FRMPD4: variants seen among roughly 807,000 people sequenced by gnomAD.
The protein encoded by FRMPD4 is FERM and PDZ domain containing 4, also known as FERM and PDZ domain-containing protein 4.
A neutral mutation model predicts 94.1 loss-of-function variants in FRMPD4; 22 were observed. That is an observed-to-expected ratio of 0.23 (90% CI 0.17 to 0.33). FRMPD4 has a LOEUF of 0.33. FRMPD4 is among the 10% of genes least tolerant of loss of function. FRMPD4 has a pLI of 1.00. For missense variants in FRMPD4, 1,111 were observed against 1,339.9 expected, an observed-to-expected ratio of 0.83 and a Z score of 2.67; for synonymous variants, 631 against 548.6, an observed-to-expected ratio of 1.15 and a Z score of -2.10.
chrX:11,872,003 T>C (rs1467842060), intron 2 of FRMPD4, among the ~76,000 whole-genome samples: 1 of 111,937 alleles, frequency 8.9e-6, no homozygotes, highest in East Asian at 2.8e-4. Flanking sequence ...TCAGTAAACA[T>C]TGAATGAATG....
At position 12,158,237 on chromosome X, in the gene FRMPD4, A is replaced by G. The variant is rs534891330; in HGVS notation, c.41+19225A>G. Among the ~76,000 whole-genome samples, 43 of 111,561 alleles carry G rather than the reference A, an allele frequency of 3.9e-4. No individual in the cohort carries two copies. The Middle Eastern group carries it at 0.027, about 71-fold the overall frequency. On this transcript the variant is annotated intron_variant, in intron 1 of 16. Transcript: ENST00000675598. ...TATCAGACTGGGCTGCAAGATGAGG[A>G]TGTAGGTAGAGGTTCCCAGTAGTTG...
In FRMPD4 at chrX:12,686,104, T is replaced by C. The variant is rs761860167; in HGVS notation, c.581T>C (p.Val194Ala). The change falls in exon 7 of 17, where the codon GTT becomes GCT. Residue 194 changes from valine (V) to alanine (A), a missense_variant. By Grantham distance (64) the Val-to-Ala change is moderately conservative. Transcript: ENST00000675598. ...CTTTTTTTTGTTAAACAGGAAACTG[T>C]TAAGGACAACTCACTTCTTTTTATG... Reference protein sequence around the residue: ...VIINGQVSETVKDNSLLFMPN... With the variant: ...VIINGQVSETAKDNSLLFMPN... 5 of 1,127,381 alleles carry C rather than the reference T, an allele frequency of 4.4e-6. No homozygotes were observed. The South Asian group carries it at 9.2e-5, about 21-fold the overall frequency. The allele number at this position is 1,127,381 out of a possible 1,213,427, so 92.9% of individuals were successfully genotyped here.
intron 1 of FRMPD4, among the ~76,000 whole-genome samples, chrX:12,140,514 G>A (rs1002300373): frequency 7.1e-5 from 8 of 112,241 alleles, no homozygotes; most frequent in Non-Finnish European, 1.3e-4. Context: ...TTGGGAAGCA[G>A]CTGTGTGCAA....
At chrX:12,157,680 T>C (rs949779457) in intron 1 of FRMPD4, among the ~76,000 whole-genome samples, 2 of 112,157 alleles carry the variant, frequency 1.8e-5, no homozygotes, top group Non-Finnish European at 3.8e-5. Context: ...GTGGGTTTAC[T>C]TGTACATGCT....
intron 3 of FRMPD4, among the ~76,000 whole-genome samples, chrX:12,121,402 AC>A (rs1208128471): frequency 1.1e-4 from 12 of 112,170 alleles, no homozygotes; most frequent in Non-Finnish European, 2.3e-4. Context: ...AAATATTTAA[AC>A]ATTTTTCAGT....
chrX:12,695,654 T>C (rs1363349237), intron 9 of FRMPD4, among the ~76,000 whole-genome samples: 1 of 111,991 alleles, frequency 8.9e-6, no homozygotes, highest in African/African-American at 3.2e-5. Context: ...CCACGCACCT[T>C]GGCCTCCCAA....
chrX:12,493,864 T>A (rs191664233), intron 1 of FRMPD4, among the ~76,000 whole-genome samples: 116 of 112,571 alleles, frequency 1.0e-3, no homozygotes, highest in Non-Finnish European at 1.9e-3. Flanking sequence ...ATGAGACTAT[T>A]CTAAATGAGT....
chrX:12,359,371 C>G (rs1258384425), intron 1 of FRMPD4, among the ~76,000 whole-genome samples: 1 of 111,855 alleles, frequency 8.9e-6, no homozygotes, highest in Non-Finnish European at 1.9e-5. Flanking sequence ...GAAATCTTGT[C>G]AAGTTCACAT....
intron 3 of FRMPD4, among the ~76,000 whole-genome samples, chrX:12,107,219 G>A (rs2055307447): frequency 8.9e-6 from 1 of 112,028 alleles, no homozygotes; most frequent in African/African-American, 3.3e-5. Flanking sequence ...GGAACGATCA[G>A]GCAGCAACAT....
intron 1 of FRMPD4, among the ~76,000 whole-genome samples, chrX:12,349,939 A>C (rs1254410385): frequency 1.8e-5 from 2 of 111,472 alleles, no homozygotes; most frequent in South Asian, 7.6e-4. Flanking sequence ...CCCAAAGATA[A>C]CCAGTGGGGA....
intron 4 of FRMPD4, among the ~76,000 whole-genome samples, chrX:12,630,819 A>G (rs2059388850): frequency 8.9e-6 from 1 of 111,747 alleles, no homozygotes; most frequent in African/African-American, 3.3e-5. Flanking sequence ...GATAATGGCC[A>G]ATATTAGGGT....
intron 3 of FRMPD4, among the ~76,000 whole-genome samples, chrX:11,994,232 C>CA (rs752464505): frequency 4.5e-5 from 5 of 110,939 alleles, no homozygotes; most frequent in African/African-American, 1.6e-4. Context: ...TCTCCAGCCC[C>CA]AAAGGTCCAT....
At chrX:12,441,696 G>C (rs2057138512) in intron 1 of FRMPD4, among the ~76,000 whole-genome samples, 3 of 112,053 alleles carry the variant, frequency 2.7e-5, no homozygotes, top group Admixed American at 1.9e-4. Context: ...TGAGTGTTTG[G>C]GAATAAATGA....
chrX:12,206,641 C>T (rs1259196556), intron 1 of FRMPD4, among the ~76,000 whole-genome samples: 2 of 112,066 alleles, frequency 1.8e-5, no homozygotes, highest in Non-Finnish European at 3.8e-5. Context: ...GCAGTGCTAA[C>T]AGAGGCAGTT....
At position 12,460,718 on chromosome X, in the gene FRMPD4, T is replaced by A. The variant is rs1052395939; in HGVS notation, c.42-37962T>A. Among the ~76,000 whole-genome samples the A allele has an allele frequency of 3.9e-4, 44 of 111,673 alleles. 1 individual carries two copies. The highest frequency in any genetic ancestry group is 1.3e-3 in the African/African-American group (41 of 30,810). ...TTGTATACAAATAATATGTTGGGGATTTTTTTTAAGTAAAGGAGCATATTG... is the reference window on the plus strand; with the variant it reads ...TTGTATACAAATAATATGTTGGGGAATTTTTTTAAGTAAAGGAGCATATTG... On this transcript the variant is annotated intron_variant, in intron 1 of 16. Coordinates refer to ENST00000675598, the MANE Select transcript of FRMPD4 (RefSeq NM_001368397.1).
intron 1 of FRMPD4, among the ~76,000 whole-genome samples, chrX:12,490,792 T>A: frequency 8.9e-6 from 1 of 111,912 alleles, no homozygotes; most frequent in Non-Finnish European, 1.9e-5. Flanking sequence ...CTTCCCTGAT[T>A]TTACACAAGT....
chrX:12,061,206 G>C (rs1365721700), intron 3 of FRMPD4, among the ~76,000 whole-genome samples: 1 of 111,791 alleles, frequency 8.9e-6, no homozygotes, highest in Non-Finnish European at 1.9e-5. Context: ...GTTATGGGAA[G>C]GTGACCAGGA....
At chrX:12,169,693 T>C (rs947087403) in intron 1 of FRMPD4, among the ~76,000 whole-genome samples, 1 of 112,401 alleles carries the variant, frequency 8.9e-6, no homozygotes, top group East Asian at 2.8e-4. Flanking sequence ...TTTACCAAAC[T>C]CATAGACTTT....
chrX:12,459,618 C>T (rs765486899), intron 1 of FRMPD4, among the ~76,000 whole-genome samples: 5 of 111,619 alleles, frequency 4.5e-5, no homozygotes, highest in East Asian at 2.8e-4. Context: ...ATTTTTTGTA[C>T]GTATCATATT....
Sources: allele counts gnomAD v4.1 joint callset (sites outside exome capture counted in the v4.1 genomes callset), GRCh38; gene constraint gnomAD v4.1.1; transcripts MANE v1.5; gene names NCBI Gene and HGNC (gene_info 2026-07-23, HGNC 2026-07-21).